The following DYRK1A variants were observed in gnomAD, a reference collection of about 807,000 sequenced individuals.
DYRK1A encodes the protein dual specificity tyrosine-phosphorylation-regulated kinase 1A.
DYRK1A carries 9 observed loss-of-function variants against 79.7 expected under a neutral mutation model. That is an observed-to-expected ratio of 0.11 (90% CI 0.07 to 0.20). The LOEUF (loss-of-function observed/expected upper bound fraction) is 0.20, where lower values mean the gene tolerates loss of function less well. Ranked by LOEUF, DYRK1A falls within the 10% of genes least tolerant of loss-of-function variation. The pLI, the probability that DYRK1A is intolerant of heterozygous loss-of-function variation, is 1.00. For synonymous variants in DYRK1A, 349 were observed against 329.7 expected (o/e 1.06, Z -0.63); for missense variants, 622 against 956.0 (o/e 0.65, Z 4.61).
intron 1 of DYRK1A, among the ~76,000 whole-genome samples, chr21:37,376,998 A>G (rs761605750): frequency 6.6e-6 from 1 of 152,180 alleles, no homozygotes; most frequent in Non-Finnish European, 1.5e-5. Context: ...GTATGATTCC[A>G]TTATTTTTAA....
intron 2 of DYRK1A, among the ~76,000 whole-genome samples, chr21:37,448,488 A>G (rs192946152): frequency 5.7e-4 from 87 of 152,326 alleles, no homozygotes; most frequent in Non-Finnish European, 1.1e-3. Context: ...CAAGTGAGCT[A>G]TGGAGTAGAT....
At chr21:37,378,049 T>G (rs1796428811) in intron 1 of DYRK1A, among the ~76,000 whole-genome samples, 1 of 152,208 alleles carries the variant, frequency 6.6e-6, no homozygotes, top group Admixed American at 6.5e-5. Flanking sequence ...GTGTATAGTT[T>G]CTCAAATCTC....
chr21:37,431,195 G>A (rs2050765673), intron 2 of DYRK1A, among the ~76,000 whole-genome samples: 1 of 152,176 alleles, frequency 6.6e-6, no homozygotes, highest in South Asian at 2.1e-4. Context: ...AGATTTTCTT[G>A]TTAGAAGCAC....
At chr21:37,477,892 C>T (rs905664947) in intron 3 of DYRK1A, among the ~76,000 whole-genome samples, 8 of 152,156 alleles carry the variant, frequency 5.3e-5, no homozygotes, top group Non-Finnish European at 8.8e-5. Flanking sequence ...GAGAAGCCCT[C>T]GTGGGCAACA....
At chr21:37,500,753 CAAT>C (rs2053418043) in intron 9 of DYRK1A, among the ~76,000 whole-genome samples, 5 of 151,886 alleles carry the variant, frequency 3.3e-5, no homozygotes, top group African/African-American at 9.6e-5. Context: ...GTAAACTTAT[CAAT>C]AATATTTTAC....
chr21:37,488,273 A>T, intron 6 of DYRK1A: 1 of 909,612 alleles, frequency 1.1e-6, no homozygotes, highest in Non-Finnish European at 1.3e-6. Flanking sequence ...GTCTCAAGAA[A>T]CTGAGATTCT....
At chr21:37,389,204 T>A (rs563245498) in intron 1 of DYRK1A, among the ~76,000 whole-genome samples, 163 of 151,762 alleles carry the variant, frequency 1.1e-3, no homozygotes, top group African/African-American at 3.8e-3. Context: ...TCTCTTTTTT[T>A]AAAAAAGTAT....
intron 1 of DYRK1A, among the ~76,000 whole-genome samples, chr21:37,392,307 G>A (rs1023943152): frequency 2.0e-5 from 3 of 152,138 alleles, no homozygotes; most frequent in African/African-American, 7.2e-5. Flanking sequence ...AGGAGGCAGG[G>A]GAGAAGTGGA....
At chr21:37,389,929 T>TTG (rs2049838851) in intron 1 of DYRK1A, among the ~76,000 whole-genome samples, 1 of 151,458 alleles carries the variant, frequency 6.6e-6, no homozygotes, top group African/African-American at 2.4e-5. Flanking sequence ...TTTTTTGTTT[T>TTG]TTTTTTTTTT....
At chr21:37,508,780 C>A (rs539713302) in intron 11 of DYRK1A, among the ~76,000 whole-genome samples, 154 of 152,286 alleles carry the variant, frequency 1.0e-3, no homozygotes, top group African/African-American at 2.8e-3. Flanking sequence ...ACTTTTCTTA[C>A]ATTTCCTGTG....
intron 9 of DYRK1A, chr21:37,504,548 C>T (rs1362392487): frequency 6.6e-6 from 1 of 152,176 alleles, no homozygotes; most frequent in Non-Finnish European, 1.5e-5. Flanking sequence ...TCACACATTT[C>T]TGCATTGTAA....
chr21:37,457,709 G>A (rs1601153717), intron 2 of DYRK1A, among the ~76,000 whole-genome samples: 1 of 152,150 alleles, frequency 6.6e-6, no homozygotes, highest in East Asian at 1.9e-4. Context: ...TAGGTACCAA[G>A]TACTTAACTA....
chr21:37,447,295 C>A (rs943632117), intron 2 of DYRK1A, among the ~76,000 whole-genome samples: 9 of 151,938 alleles, frequency 5.9e-5, no homozygotes, highest in African/African-American at 1.7e-4. Flanking sequence ...CAATGACACA[C>A]CCCATGTAAC....
intron 4 of DYRK1A, among the ~76,000 whole-genome samples, chr21:37,479,064 C>T (rs1156849233): frequency 6.6e-6 from 1 of 152,186 alleles, no homozygotes; most frequent in Admixed American, 6.5e-5. Context: ...AGTGGGAGCC[C>T]TGCACCCTTT....
intron 2 of DYRK1A, among the ~76,000 whole-genome samples, chr21:37,423,068 A>G (rs1013906397): frequency 6.6e-6 from 1 of 152,158 alleles, no homozygotes; most frequent in African/African-American, 2.4e-5. Flanking sequence ...CTCTGCATAC[A>G]AGGATCCCTG....
chr21:37,460,884 A>G (rs8134269), intron 2 of DYRK1A, among the ~76,000 whole-genome samples: 2,903 of 152,232 alleles, frequency 0.019, 78 homozygotes, highest in African/African-American at 0.066. Context: ...AAATTTACCC[A>G]TATTATATGT....
intron 1 of DYRK1A, among the ~76,000 whole-genome samples, chr21:37,373,816 T>G (rs1317726441): frequency 1.3e-5 from 2 of 152,216 alleles, no homozygotes; most frequent in Non-Finnish European, 2.9e-5. Context: ...GGCTGAAAAT[T>G]TGGGTCTACT....
At chr21:37,471,016 A>T (rs2052203953) in intron 2 of DYRK1A, among the ~76,000 whole-genome samples, 1 of 152,212 alleles carries the variant, frequency 6.6e-6, no homozygotes, top group South Asian at 2.1e-4. Context: ...GGAGAGACAG[A>T]AGAGAATCTA....
chr21:37,458,813 G>A (rs2051744939), intron 2 of DYRK1A, among the ~76,000 whole-genome samples: 1 of 152,206 alleles, frequency 6.6e-6, no homozygotes, highest in African/African-American at 2.4e-5. Flanking sequence ...TTCATAAAGG[G>A]CATTTTGAGC....
Sources: allele counts gnomAD v4.1 joint callset (sites outside exome capture counted in the v4.1 genomes callset), GRCh38; gene constraint gnomAD v4.1.1; transcripts MANE v1.5; gene names NCBI Gene and HGNC (gene_info 2026-07-23, HGNC 2026-07-21).